Variants in GPBP1 observed in about 807,000 individuals in gnomAD.
The protein encoded by GPBP1 is vasculin.
GPBP1 carries 13 observed loss-of-function variants against 56.5 expected under a neutral mutation model. That is an observed-to-expected ratio of 0.23 (90% CI 0.15 to 0.37). GPBP1 has a LOEUF of 0.37. Among genes scored for constraint, GPBP1 ranks in the 10% least tolerant of loss-of-function variants. GPBP1 has a pLI of 1.00. For missense variants in GPBP1, 477 were observed against 572.3 expected (o/e 0.83, Z 1.70); for synonymous variants, 204 against 188.9 (o/e 1.08, Z -0.66).
At chr5:57,233,450 G>T (rs1756541334) in intron 5 of GPBP1, among the ~76,000 whole-genome samples, 1 of 152,076 alleles carries the variant, frequency 6.6e-6, no homozygotes, top group African/African-American at 2.4e-5. Context: ...ATCCCCCCTT[G>T]AAGTCCAATT....
At chr5:57,234,540 C>A (rs1056796762) in intron 5 of GPBP1, among the ~76,000 whole-genome samples, 1 of 152,090 alleles carries the variant, frequency 6.6e-6, no homozygotes, top group South Asian at 2.1e-4. Flanking sequence ...GAATTTGAGA[C>A]CAGCCTGGGC....
At chr5:57,229,582 G>A (rs1756353672) in intron 3 of GPBP1, among the ~76,000 whole-genome samples, 1 of 151,528 alleles carries the variant, frequency 6.6e-6, no homozygotes, top group Non-Finnish European at 1.5e-5. Flanking sequence ...AGGCTCTGGA[G>A]TACAGTTGTG....
intron 2 of GPBP1, among the ~76,000 whole-genome samples, chr5:57,205,574 T>C (rs976453188): frequency 6.8e-6 from 1 of 147,906 alleles, no homozygotes; most frequent in Non-Finnish European, 1.5e-5. Context: ...TGCTAACATT[T>C]ATTTCCTCTT....
intron 2 of GPBP1, among the ~76,000 whole-genome samples, chr5:57,195,500 C>T (rs1170480014): frequency 3.3e-5 from 5 of 151,978 alleles, no homozygotes; most frequent in Admixed American, 3.3e-4. Context: ...AGTTGATTAG[C>T]CTGGGACATG....
chr5:57,200,743 A>G (rs1754980316), intron 2 of GPBP1, among the ~76,000 whole-genome samples: 1 of 151,918 alleles, frequency 6.6e-6, no homozygotes, highest in Non-Finnish European at 1.5e-5. Context: ...GTGCAGTGGC[A>G]TGATCTCCGC....
intron 2 of GPBP1, among the ~76,000 whole-genome samples, chr5:57,201,473 C>G (rs1421157251): frequency 6.6e-6 from 1 of 152,130 alleles, no homozygotes; most frequent in Non-Finnish European, 1.5e-5. Context: ...AGGCGTGAGC[C>G]ACTGCATCTG....
chr5:57,205,598 A>G (rs1755199847), intron 2 of GPBP1, among the ~76,000 whole-genome samples: 1 of 117,666 alleles, frequency 8.5e-6, no homozygotes, highest in African/African-American at 3.5e-5. Context: ...TTTTTTTTTC[A>G]TATTTTGATT....
Position 57,236,032 on chromosome 5 carries a change from GGTAA to G in GPBP1, c.478+5_478+8del. On this transcript the variant is annotated splice_donor_variant and splice_donor_region_variant and intron_variant, in intron 6 of 11. Coordinates refer to ENST00000506184, the MANE Select transcript of GPBP1 (RefSeq NM_022913.4). LOFTEE classifies it high-confidence loss of function. ...TAAGTCTTTAGCTGCAGGTGTGTGGGGTAAGTAATTTTTTATCTATATTTGAGGG... is the reference window on the plus strand; with the variant it reads ...TAAGTCTTTAGCTGCAGGTGTGTGGGGTAATTTTTTATCTATATTTGAGGG... The G allele has an allele frequency of 2.5e-6, 4 of 1,596,322 alleles. No individual in the cohort carries two copies. The highest frequency in any genetic ancestry group is 3.4e-6 in the Non-Finnish European group (4 of 1,165,182).
At chr5:57,252,624 C>T (rs1013473339) in intron 10 of GPBP1, among the ~76,000 whole-genome samples, 35 of 152,118 alleles carry the variant, frequency 2.3e-4, no homozygotes, top group African/African-American at 8.0e-4. Flanking sequence ...AACTCCTGAG[C>T]TGAAGCGATC....
At chr5:57,219,400 A>AC (rs1435672179) in intron 3 of GPBP1, among the ~76,000 whole-genome samples, 6 of 60,068 alleles carry the variant, frequency 1.0e-4, no homozygotes, top group African/African-American at 2.8e-4. Context: ...AAAAAAAAAA[A>AC]AAACCAAAAA....
intron 3 of GPBP1, among the ~76,000 whole-genome samples, chr5:57,226,327 T>A (rs1756186979): frequency 6.6e-6 from 1 of 152,220 alleles, no homozygotes; most frequent in Non-Finnish European, 1.5e-5. Flanking sequence ...CCAGGGTTTA[T>A]TCAGTTGGCT....
chr5:57,219,405 CA>C lies in GPBP1; in HGVS notation c.63+5217del, dbSNP rs1200185260. 4.1e-4 allele frequency among the ~76,000 whole-genome samples: 14 copies of C among 34,194 alleles called. 1 individual carries two copies. Among genetic ancestry groups the C allele is most frequent in the Non-Finnish European group, 4.8e-4 (9 of 18,618 alleles). The allele number at this position is 34,194 out of a possible 152,430, so 22.4% of individuals were successfully genotyped here. A position where few individuals can be genotyped will look rare whatever the true frequency, so the allele number is the denominator to read the frequency against. ...AAAAAAAAAAAAAAAAAAAAAAAAC[CA>C]AAAACAAACAAACAAAAAAAAAAAC... On this transcript the variant is annotated intron_variant, in intron 3 of 11. Transcript: ENST00000506184.
At chr5:57,224,552 C>T (rs1171037301) in intron 3 of GPBP1, among the ~76,000 whole-genome samples, 3 of 151,938 alleles carry the variant, frequency 2.0e-5, no homozygotes, top group Non-Finnish European at 4.4e-5. Context: ...CTCAAATGAT[C>T]CTCTCTAGTC....
chr5:57,182,015 T>C (rs967265530), intron 2 of GPBP1, among the ~76,000 whole-genome samples: 23 of 152,170 alleles, frequency 1.5e-4, no homozygotes, highest in African/African-American at 5.6e-4. Flanking sequence ...AGTTTCTTGG[T>C]CTTTAGTTAT....
Position 57,231,248 on chromosome 5 carries a change from A to G in GPBP1, c.338A>G (p.Asn113Ser), listed in dbSNP as rs1399014951. 3 of 1,614,180 alleles carry G rather than the reference A, an allele frequency of 1.9e-6. No individual in the cohort carries two copies. The South Asian group carries it at 3.3e-5, about 18-fold the overall frequency. ...GGAAAAAGCCAAGGACTACATGAAAACAACATACCTGACAATGAAACCGGG... is the reference window on the plus strand; with the variant it reads ...GGAAAAAGCCAAGGACTACATGAAAGCAACATACCTGACAATGAAACCGGG... ...HAGKSQGLHENNIPDNETGRK... is the reference protein window; with the variant it reads ...HAGKSQGLHESNIPDNETGRK... Residue 113 changes from asparagine (N) to serine (S), a missense_variant, in exon 5 of 12, where the codon AAC becomes AGC. By Grantham distance (46) the Asn-to-Ser change is conservative. Coordinates refer to ENST00000506184, the MANE Select transcript of GPBP1 (RefSeq NM_022913.4).
chr5:57,256,282 C>G (rs1206529225), intron 10 of GPBP1, among the ~76,000 whole-genome samples: 1 of 151,778 alleles, frequency 6.6e-6, no homozygotes, highest in Non-Finnish European at 1.5e-5. Context: ...AAGACAAAAA[C>G]ATCCTAAATT....
intron 3 of GPBP1, among the ~76,000 whole-genome samples, chr5:57,215,684 G>C (rs545022094): frequency 1.3e-5 from 2 of 152,208 alleles, no homozygotes; most frequent in Non-Finnish European, 2.9e-5. Context: ...CTTACTACCA[G>C]TATCTCCATT....
intron 6 of GPBP1, among the ~76,000 whole-genome samples, chr5:57,238,955 A>G (rs1740676740): frequency 1.3e-5 from 2 of 152,232 alleles, no homozygotes; most frequent in African/African-American, 2.4e-5. Flanking sequence ...TGCCACAAGC[A>G]TACAGATTGA....
chr5:57,199,760 C>T (rs1754917829), intron 2 of GPBP1, among the ~76,000 whole-genome samples: 1 of 152,022 alleles, frequency 6.6e-6, no homozygotes, highest in African/African-American at 2.4e-5. Flanking sequence ...CTAAATACTT[C>T]CCTTGCCTGC....
Sources: gnomAD v4.1 joint callset for allele counts (sites outside exome capture counted in the v4.1 genomes callset) on GRCh38, gnomAD v4.1.1 for gene constraint, MANE v1.5 for transcripts, NCBI Gene and HGNC (gene_info 2026-07-23, HGNC 2026-07-21) for gene names.